Variants in CUX2 observed in about 807,000 individuals in gnomAD.
The protein encoded by CUX2 is homeobox protein cut-like 2.
A neutral mutation model predicts 144.8 loss-of-function variants in CUX2; 40 were observed. The ratio of observed to expected loss-of-function variants is 0.28; its 90% CI spans 0.21 to 0.36. The LOEUF (loss-of-function observed/expected upper bound fraction) is 0.36, where lower values mean the gene tolerates loss of function less well. Among genes scored for constraint, CUX2 ranks in the 10% least tolerant of loss-of-function variants. The pLI is 1.00. For synonymous variants in CUX2, 827 were observed against 875.6 expected, an observed-to-expected ratio of 0.94 and a Z score of 0.98; for missense variants, 1,615 against 1,994.0, an observed-to-expected ratio of 0.81 and a Z score of 3.62.
Position 111,105,901 on chromosome 12 carries a change from G to A in CUX2, c.63+71661G>A, listed in dbSNP as rs539559412. ...TTTTTTTGAGACAGAGTCCCTCTCT[G>A]TTGCCCAGGTTGGAGTGCAGTGCCA... On this transcript the variant is annotated intron_variant, in intron 1 of 21. Coordinates refer to ENST00000261726, the MANE Select transcript of CUX2 (RefSeq NM_015267.4). Among the ~76,000 whole-genome samples the A allele has an allele frequency of 9.8e-5, 13 of 132,612 alleles. No homozygotes were observed. In the East Asian group the frequency reaches 2.4e-3, roughly 25 times the overall value. 87.0% of individuals were successfully genotyped at this position (132,612 alleles called of 152,430 possible).
intron 1 of CUX2, among the ~76,000 whole-genome samples, chr12:111,213,322 C>T (rs968458107): frequency 1.3e-5 from 2 of 152,216 alleles, no homozygotes; most frequent in Non-Finnish European, 2.9e-5. Flanking sequence ...TTGTACTCCC[C>T]TTGTGAAACT....
intron 8 of CUX2, among the ~76,000 whole-genome samples, chr12:111,298,218 A>C (rs1324050561): frequency 6.6e-6 from 1 of 152,154 alleles, no homozygotes; most frequent in East Asian, 1.9e-4. Flanking sequence ...CCCGGAGAAC[A>C]CTGTGATCAG....
In CUX2 at chr12:111,312,820, C is replaced by T. The variant is rs1157951492; in HGVS notation, c.2002+619C>T. 6.6e-6 allele frequency among the ~76,000 whole-genome samples: 1 copy of T among 152,184 alleles called. No homozygotes were observed. The highest frequency in any genetic ancestry group is 2.4e-5 in the African/African-American group (1 of 41,444). On this transcript the variant is annotated intron_variant, in intron 16 of 21. Coordinates refer to ENST00000261726, the MANE Select transcript of CUX2 (RefSeq NM_015267.4). The surrounding 1 kb of genome is among the most constrained non-coding windows in gnomAD (Gnocchi z 4.3). ...CATGCCCAGCTGCCGTGCACTCCAC[C>T]CTGCGCCTCTGATGCTGTCCTTACC...
intron 1 of CUX2, among the ~76,000 whole-genome samples, chr12:111,199,681 G>A (rs938646426): frequency 7.9e-5 from 12 of 152,082 alleles, no homozygotes; most frequent in Admixed American, 2.6e-4. Context: ...CTGCTGAGAC[G>A]TCTGGGTGCA....
intron 16 of CUX2, among the ~76,000 whole-genome samples, chr12:111,315,111 G>GA (rs1301570535): frequency 3.9e-5 from 6 of 152,156 alleles, no homozygotes; most frequent in Non-Finnish European, 5.9e-5. Flanking sequence ...TCAGCAAGAG[G>GA]AAAAATACAA....
Position 111,321,118 on chromosome 12 carries a change from G to A in CUX2, c.2766+343G>A, listed in dbSNP as rs536279157. Among the ~76,000 whole-genome samples the A allele has an allele frequency of 1.3e-4, 20 of 152,140 alleles. No individual in the cohort carries two copies. In the South Asian group the frequency reaches 4.2e-3, roughly 32 times the overall value. On this transcript the variant is annotated intron_variant, in intron 17 of 21. Coordinates refer to ENST00000261726, the MANE Select transcript of CUX2 (RefSeq NM_015267.4). Reference sequence around the variant, plus strand: ...AGACGGAGGTGGGAAGATCTCTTGAGCCCAGAAGTTTGAGACCAGCCTGGC... The same window carrying A: ...AGACGGAGGTGGGAAGATCTCTTGAACCCAGAAGTTTGAGACCAGCCTGGC...
chr12:111,262,910 A>C (rs1346479094), intron 3 of CUX2, among the ~76,000 whole-genome samples: 2 of 152,238 alleles, frequency 1.3e-5, no homozygotes, highest in African/African-American at 2.4e-5. Context: ...AATAAGAAGA[A>C]TAACAGGTGT....
At chr12:111,329,508 C>T (rs1887995093) in intron 18 of CUX2, among the ~76,000 whole-genome samples, 1 of 152,168 alleles carries the variant, frequency 6.6e-6, no homozygotes, top group African/African-American at 2.4e-5. Context: ...TGGCTGTGTT[C>T]TTTCCTGCCA....
At chr12:111,252,716 C>A (rs1474012699) in intron 3 of CUX2, among the ~76,000 whole-genome samples, 1 of 151,348 alleles carries the variant, frequency 6.6e-6, no homozygotes, top group Non-Finnish European at 1.5e-5. Context: ...TGCCCAGCCC[C>A]GCCTGGGCTC....
chr12:111,238,133 AC>A (rs890387859), intron 3 of CUX2, among the ~76,000 whole-genome samples: 1 of 152,132 alleles, frequency 6.6e-6, no homozygotes, highest in Non-Finnish European at 1.5e-5. Context: ...TTCATGACTT[AC>A]CCAAATTCAA....
intron 1 of CUX2, among the ~76,000 whole-genome samples, chr12:111,119,509 A>G (rs1431456178): frequency 1.3e-5 from 2 of 152,100 alleles, no homozygotes; most frequent in African/African-American, 4.8e-5. Flanking sequence ...GAATGTTCCC[A>G]CTGAGCCAAC....
At chr12:111,163,652 C>T (rs867409179) in intron 1 of CUX2, among the ~76,000 whole-genome samples, 2 of 152,304 alleles carry the variant, frequency 1.3e-5, no homozygotes, top group East Asian at 3.9e-4. Flanking sequence ...TACCTTGGCA[C>T]CGTTTGGCTA....
intron 9 of CUX2, among the ~76,000 whole-genome samples, chr12:111,303,615 G>A (rs1886423657): frequency 6.7e-6 from 1 of 149,566 alleles, no homozygotes; most frequent in Non-Finnish European, 1.5e-5. Context: ...CAGCCTGGGT[G>A]ACAAGAGTGA....
At chr12:111,053,043 C>T (rs1870352311) in intron 1 of CUX2, among the ~76,000 whole-genome samples, 1 of 151,992 alleles carries the variant, frequency 6.6e-6, no homozygotes, top group South Asian at 2.1e-4. Context: ...GGGTTATTGC[C>T]GAACAGACTG....
At chr12:111,298,970 T>C (rs987128305) in intron 9 of CUX2, among the ~76,000 whole-genome samples, 1 of 152,206 alleles carries the variant, frequency 6.6e-6, no homozygotes, top group African/African-American at 2.4e-5. Flanking sequence ...GGATTCTAAG[T>C]GGGGCTCCCG....
intron 3 of CUX2, among the ~76,000 whole-genome samples, chr12:111,256,161 C>G (rs766380445): frequency 5.3e-5 from 8 of 152,274 alleles, no homozygotes; most frequent in Non-Finnish European, 1.2e-4. Flanking sequence ...CGGCCCCTAC[C>G]CACCGCACCA....
chr12:111,216,548 G>C (rs1291658831), intron 2 of CUX2, among the ~76,000 whole-genome samples: 1 of 152,208 alleles, frequency 6.6e-6, no homozygotes, highest in African/African-American at 2.4e-5. Flanking sequence ...GAGGTTCCGT[G>C]CTCATGCTGC....
intron 18 of CUX2, among the ~76,000 whole-genome samples, chr12:111,330,734 T>TACATATACATATAC (rs1565926348): frequency 1.8e-5 from 1 of 54,856 alleles, no homozygotes. Flanking sequence ...TATATATATA[T>TACATATACATATAC]ATATATATAT....
At chr12:111,327,470 G>T (rs1887873327) in intron 18 of CUX2, among the ~76,000 whole-genome samples, 1 of 152,120 alleles carries the variant, frequency 6.6e-6, no homozygotes, top group African/African-American at 2.4e-5. Context: ...TGTTTCTCCA[G>T]GTCCTTACCA....
Sources: allele counts gnomAD v4.1 joint callset (sites outside exome capture counted in the v4.1 genomes callset), GRCh38; gene constraint gnomAD v4.1.1; non-coding constraint Gnocchi (gnomAD v3.1); transcripts MANE v1.5; gene names NCBI Gene and HGNC (gene_info 2026-07-23, HGNC 2026-07-21).